ZNF257: variants seen among roughly 807,000 people sequenced by gnomAD.
The protein encoded by ZNF257 is bone marrow zinc finger 4.
ZNF257 carries 12 observed loss-of-function variants against 11.9 expected under a neutral mutation model. The observed-to-expected ratio is 1.01, with a 90% confidence interval of 0.65 to 1.63. ZNF257 has a LOEUF of 1.63. ZNF257 is among the 40% of genes most tolerant of loss of function. The pLI, the probability that ZNF257 is intolerant of heterozygous loss-of-function variation, is 0.00. For missense variants in ZNF257, 580 were observed against 665.5 expected (o/e 0.87, Z 1.41); for synonymous variants, 183 against 222.7 (o/e 0.82, Z 1.59).
intron 1 of ZNF257, chr19:22,066,013 T>C (rs1355300711): frequency 6.6e-6 from 1 of 152,228 alleles, no homozygotes; most frequent in Non-Finnish European, 1.5e-5. Flanking sequence ...TGCTTAGAAA[T>C]TCTTTTCAGG....
chr19:22,071,197 A>G (rs2022094917), intron 1 of ZNF257, among the ~76,000 whole-genome samples: 1 of 152,114 alleles, frequency 6.6e-6, no homozygotes, highest in African/African-American at 2.4e-5. Context: ...ACTGTAGCAG[A>G]AATTGCTGGT....
At chr19:22,081,250 T>A (rs2022354104) in intron 3 of ZNF257, among the ~76,000 whole-genome samples, 1 of 152,002 alleles carries the variant, frequency 6.6e-6, no homozygotes, top group Admixed American at 6.6e-5. Context: ...ATATATATAC[T>A]CATATACATA....
chr19:22,054,335 G>T (rs1330394936), intron 1 of ZNF257, among the ~76,000 whole-genome samples: 2 of 152,140 alleles, frequency 1.3e-5, no homozygotes, highest in Non-Finnish European at 2.9e-5. Flanking sequence ...CTCCCAAAGT[G>T]CTGGGATTAC....
intron 3 of ZNF257, among the ~76,000 whole-genome samples, chr19:22,079,008 T>C (rs887458088): frequency 1.3e-5 from 2 of 152,148 alleles, no homozygotes; most frequent in African/African-American, 4.8e-5. Flanking sequence ...GTCAGGCTGG[T>C]CTCAAACTCC....
chr19:22,056,798 G>A (rs73019829), intron 1 of ZNF257, among the ~76,000 whole-genome samples: 22,889 of 152,102 alleles, frequency 0.15, 1,897 homozygotes, highest in Admixed American at 0.22. Flanking sequence ...ATTTTTTCAA[G>A]TGTGTTTTAT....
intron 1 of ZNF257, among the ~76,000 whole-genome samples, chr19:22,061,699 C>T (rs1367619298): frequency 2.0e-5 from 3 of 151,398 alleles, no homozygotes; most frequent in African/African-American, 7.3e-5. Flanking sequence ...AGAAGACATT[C>T]TTGTCTTGTG....
At chr19:22,084,874 C>T (rs536236382) in intron 3 of ZNF257, among the ~76,000 whole-genome samples, 46 of 151,604 alleles carry the variant, frequency 3.0e-4, no homozygotes, top group Admixed American at 1.1e-3. Context: ...AGATTATAGG[C>T]GCATGCCACC....
chr19:22,070,973 T>A (rs1016240584), intron 1 of ZNF257, among the ~76,000 whole-genome samples: 1 of 152,124 alleles, frequency 6.6e-6, no homozygotes, highest in Non-Finnish European at 1.5e-5. Context: ...TACTTCAGCT[T>A]TTCCTACAGG....
At chr19:22,062,223 C>CT (rs34283330) in intron 1 of ZNF257, among the ~76,000 whole-genome samples, 49,941 of 101,698 alleles carry the variant, frequency 0.49, 13,906 homozygotes, top group South Asian at 0.79. Context: ...ACTGCGCCTG[C>CT]TTTTTTTTTT....
intron 1 of ZNF257, among the ~76,000 whole-genome samples, chr19:22,055,065 T>G (rs950804417): frequency 3.3e-5 from 5 of 152,132 alleles, no homozygotes; most frequent in African/African-American, 1.2e-4. Context: ...CCAACTCAGC[T>G]TCCATTTCTT....
chr19:22,090,026 A>G lies in ZNF257; in HGVS notation c.*584A>G, dbSNP rs2022590846. ...GGTAAAATAATTTATACCGGAGAAA[A>G]CTCCAAGTGTGAAGAATATAACTTT... On this transcript the variant is annotated 3_prime_UTR_variant, in exon 4 of 4. Coordinates refer to ENST00000594947, the MANE Select transcript of ZNF257 (RefSeq NM_033468.4). 1 of 154,580 alleles carries G rather than the reference A, an allele frequency of 6.5e-6. No homozygotes were observed. Among genetic ancestry groups the G allele is most frequent in the East Asian group, 1.9e-4 (1 of 5,220 alleles). The allele number at this position is 154,580 out of a possible 1,614,324, so 9.6% of individuals were successfully genotyped here. A position where few individuals can be genotyped will look rare whatever the true frequency, so the allele number is the denominator to read the frequency against.
intron 2 of ZNF257, 89 bp downstream of exon 2, chr19:22,073,024 A>G: frequency 7.4e-7 from 1 of 1,350,614 alleles, no homozygotes; most frequent in Non-Finnish European, 9.8e-7. Flanking sequence ...TTTTTTGGTA[A>G]TTTGGTAATT....
intron 1 of ZNF257, among the ~76,000 whole-genome samples, chr19:22,060,304 A>G (rs146116145): frequency 9.9e-5 from 15 of 152,278 alleles, no homozygotes; most frequent in African/African-American, 3.4e-4. Flanking sequence ...CAACCTTATC[A>G]GCATCTGTGA....
chr19:22,056,010 G>A (rs977086111), intron 1 of ZNF257, among the ~76,000 whole-genome samples: 3 of 141,980 alleles, frequency 2.1e-5, no homozygotes, highest in Non-Finnish European at 4.5e-5. Context: ...AGCCGAGATC[G>A]CACCACTGCA....
At chr19:22,055,567 A>G (rs1470469334) in intron 1 of ZNF257, among the ~76,000 whole-genome samples, 2 of 152,144 alleles carry the variant, frequency 1.3e-5, no homozygotes, top group Non-Finnish European at 2.9e-5. Flanking sequence ...GTTAGATGGT[A>G]TAAGAGCTTA....
intron 1 of ZNF257, chr19:22,064,310 A>G (rs1432012015): frequency 6.6e-6 from 1 of 152,234 alleles, no homozygotes. Flanking sequence ...ATTTTGAAAT[A>G]TACATAAATT....
Position 22,072,872 on chromosome 19 carries a change from A to T in ZNF257, c.67A>T (p.Thr23Ser). 6.2e-7 allele frequency: 1 copy of T among 1,613,448 alleles called. No individual in the cohort carries two copies. The highest frequency in any genetic ancestry group is 8.5e-7 in the Non-Finnish European group (1 of 1,179,680). The change falls in exon 2 of 4, where the codon ACT becomes TCT. Residue 23 changes from threonine (T) to serine (S), a missense_variant. Coordinates refer to ENST00000594947, the MANE Select transcript of ZNF257 (RefSeq NM_033468.4). Reference protein sequence around the residue: ...FSLEEWHCLDTAQQNLYRDVM... With the variant: ...FSLEEWHCLDSAQQNLYRDVM... ...TCTGGAGGAGTGGCATTGCCTGGAC[A>T]CTGCACAGCAGAATTTATATAGGGA...
chr19:22,068,231 T>C (rs929694161), intron 1 of ZNF257, among the ~76,000 whole-genome samples: 3 of 150,038 alleles, frequency 2.0e-5, no homozygotes, highest in African/African-American at 7.4e-5. Context: ...TCCAGGCAAC[T>C]TGAATCTTTG....
At chr19:22,085,448 A>T (rs1321781010) in intron 3 of ZNF257, among the ~76,000 whole-genome samples, 1 of 152,080 alleles carries the variant, frequency 6.6e-6, no homozygotes, top group East Asian at 1.9e-4. Context: ...TGTATGAGCT[A>T]TTGCAACGGG....
Sources: gnomAD v4.1 joint callset for allele counts (sites outside exome capture counted in the v4.1 genomes callset) on GRCh38, gnomAD v4.1.1 for gene constraint, MANE v1.5 for transcripts, NCBI Gene and HGNC (gene_info 2026-07-23, HGNC 2026-07-21) for gene names.